The following USP13 variants were observed in gnomAD, a reference collection of about 807,000 sequenced individuals.
USP13 encodes the protein ubiquitin specific peptidase 13.
In USP13, 68 loss-of-function variants were observed where a neutral mutation model predicts 107.8. The observed-to-expected ratio is 0.63, with a 90% CI of 0.52 to 0.77. USP13 has a LOEUF of 0.77. USP13 is among the 30% of genes least tolerant of loss of function. The probability of loss-of-function intolerance (pLI) is 0.00; values close to 1 mark genes in which losing one functional copy is unlikely to be tolerated. For synonymous variants in USP13, 377 were observed against 389.5 expected (o/e 0.97, Z 0.38); for missense variants, 945 against 1,093.3 (o/e 0.86, Z 1.91).
At chr3:179,683,035 A>C (rs1246129850) in intron 2 of USP13, among the ~76,000 whole-genome samples, 1 of 148,396 alleles carries the variant, frequency 6.7e-6, no homozygotes, top group African/African-American at 2.5e-5. Context: ...TATTTGGCAC[A>C]TCTCTTTGTA....
Position 179,690,255 on chromosome 3 carries a change from G to A in USP13, c.309G>A (p.Ala103=), listed in dbSNP as rs372822087. 4.7e-5 allele frequency: 76 copies of A among 1,613,768 alleles called. No homozygotes were observed. The Middle Eastern group carries it at 5.0e-4, about 11-fold the overall frequency. The change falls in exon 3 of 21, where the codon GCG becomes GCA. Residue 103 remains alanine, a synonymous_variant. Transcript: ENST00000263966. Reference sequence around the variant, plus strand: ...TTTCTTTTCAGAAGGTAAGAGGGGCGTCTGGTGGAGCGTTACCAAAAAGGA... The same window carrying A: ...TTTCTTTTCAGAAGGTAAGAGGGGCATCTGGTGGAGCGTTACCAAAAAGGA... The part of the protein sequence containing the change: ...KRHVREKVRG[A]SGGALPKRRN...
chr3:179,765,536 CT>C (rs1162734845), intron 18 of USP13, among the ~76,000 whole-genome samples, 158 bp from the exon 19 acceptor site: 1 of 152,246 alleles, frequency 6.6e-6, no homozygotes, highest in Non-Finnish European at 1.5e-5. Flanking sequence ...CTGAACGTGC[CT>C]GTCATGCGGA....
At chr3:179,693,899 G>C (rs536962716) in intron 3 of USP13, among the ~76,000 whole-genome samples, 1 of 149,836 alleles carries the variant, frequency 6.7e-6, no homozygotes, top group South Asian at 2.1e-4. Context: ...GGCTGGTCTC[G>C]AACTCCTGAC....
At chr3:179,775,279 T>C (rs971598525) in intron 19 of USP13, among the ~76,000 whole-genome samples, 18 of 152,144 alleles carry the variant, frequency 1.2e-4, no homozygotes, top group African/African-American at 3.6e-4. Context: ...TACAATCCTT[T>C]AGCTAGATGT....
At chr3:179,762,261 T>A (rs144409779) in intron 17 of USP13, among the ~76,000 whole-genome samples, 1 of 152,250 alleles carries the variant, frequency 6.6e-6, no homozygotes, top group Non-Finnish European at 1.5e-5. Context: ...CATGTGTCAG[T>A]ACTTCATTCC....
chr3:179,745,248 G>A (rs1330771210), intron 13 of USP13, 31 bp downstream of exon 13: 22 of 1,601,730 alleles, frequency 1.4e-5, no homozygotes, highest in Non-Finnish European at 1.7e-5. Flanking sequence ...TGGCAGTGGG[G>A]TGAGGAGGGG....
At chr3:179,735,917 G>A (rs528977347) in intron 10 of USP13, among the ~76,000 whole-genome samples, 163 of 152,094 alleles carry the variant, frequency 1.1e-3, no homozygotes, top group Non-Finnish European at 2.2e-3. Context: ...GCGTGTGTCT[G>A]TAGTCCCAGA....
chr3:179,660,111 G>A (rs942677805), intron 1 of USP13, among the ~76,000 whole-genome samples: 4 of 152,084 alleles, frequency 2.6e-5, no homozygotes, highest in Admixed American at 1.3e-4. Context: ...AATTACATTC[G>A]CATGGAAACA....
At position 179,756,954 on chromosome 3, in the gene USP13, G is replaced by A. The variant is rs1576981287; in HGVS notation, c.1922-98G>A. 4.8e-6 allele frequency: 6 copies of A among 1,246,000 alleles called. No homozygotes were observed. In the East Asian group the frequency reaches 1.2e-4, roughly 24 times the overall value. 77.2% of individuals were successfully genotyped at this position (1,246,000 alleles called of 1,614,324 possible). On this transcript the variant is annotated intron_variant, in intron 15 of 20. Transcript: ENST00000263966. Reference sequence around the variant, plus strand: ...ACAGTGTGTGGTCCCCAGGAGTGGGGAGGGCATTGGAAATGCCCTGGATCA... The same window carrying A: ...ACAGTGTGTGGTCCCCAGGAGTGGGAAGGGCATTGGAAATGCCCTGGATCA...
At position 179,721,782 on chromosome 3, in the gene USP13, A is replaced by C. The variant is rs895393964; in HGVS notation, c.1088+193A>C. Among the ~76,000 whole-genome samples the C allele has an allele frequency of 1.9e-4, 29 of 151,870 alleles. No individual in the cohort carries two copies. The highest frequency in any genetic ancestry group is 6.3e-4 in the African/African-American group (26 of 41,348). On this transcript the variant is annotated intron_variant, in intron 8 of 20. Coordinates refer to ENST00000263966, the MANE Select transcript of USP13 (RefSeq NM_003940.3). The surrounding 1 kb of genome is among the most constrained non-coding windows in gnomAD (Gnocchi z 4.3). ...TATGGGGATCAGGTGAGATAAGAAG[A>C]GCTTTGTGGCCGGGCGCAGTGTCTA...
chr3:179,681,012 T>G (rs1425586284), intron 1 of USP13, among the ~76,000 whole-genome samples: 1 of 152,088 alleles, frequency 6.6e-6, no homozygotes, highest in African/African-American at 2.4e-5. Flanking sequence ...TTTTGCCAAC[T>G]TTCTTCTATC....
intron 19 of USP13, among the ~76,000 whole-genome samples, chr3:179,767,888 G>A (rs911933944): frequency 2.0e-5 from 3 of 152,072 alleles, no homozygotes; most frequent in Non-Finnish European, 2.9e-5. Flanking sequence ...AGAAAGAGAC[G>A]GTGGGAGGGA....
intron 1 of USP13, among the ~76,000 whole-genome samples, chr3:179,671,341 G>C (rs1002655455): frequency 6.6e-6 from 1 of 152,112 alleles, no homozygotes; most frequent in Non-Finnish European, 1.5e-5. Flanking sequence ...TTGAGAAAAG[G>C]GAGCATATCT....
At chr3:179,741,032 T>A (rs901662640) in intron 11 of USP13, among the ~76,000 whole-genome samples, 8 of 152,242 alleles carry the variant, frequency 5.3e-5, no homozygotes, top group African/African-American at 1.9e-4. Flanking sequence ...CCCAAAGTGC[T>A]GGGATTACAG....
chr3:179,774,683 AACAAACCTTCCACAGTTTGGAAGGGG>A (rs1464035613), intron 19 of USP13, among the ~76,000 whole-genome samples: 3 of 152,188 alleles, frequency 2.0e-5, no homozygotes, highest in Non-Finnish European at 2.9e-5. Context: ...AGAGCAAAAG[AACAAACCTTCCACAGTTTGGAAGGGG>A]ACCCAAGCAG....
rs1711544999 is a variant in USP13 at position 179,678,542 on chromosome 3, C to T, written c.169-3336C>T. Among the ~76,000 whole-genome samples, 2 of 151,796 alleles carry T rather than the reference C, an allele frequency of 1.3e-5. No individual in the cohort carries two copies. Among genetic ancestry groups the T allele is most frequent in the African/African-American group, 4.8e-5 (2 of 41,306 alleles). ...GGCTGGATGGCACAATCATGGCTCA[C>T]TGCAACCTTGACCTCCCTGGGCTAA... is the stretch of plus-strand genomic sequence containing the variant. On this transcript the variant is annotated intron_variant, in intron 1 of 20. Coordinates refer to ENST00000263966, the MANE Select transcript of USP13 (RefSeq NM_003940.3). The surrounding 1 kb of genome is among the most constrained non-coding windows in gnomAD (Gnocchi z 4.2).
At chr3:179,780,462 GA>G (rs1205557855) in intron 19 of USP13, among the ~76,000 whole-genome samples, 12 of 151,990 alleles carry the variant, frequency 7.9e-5, no homozygotes, top group Non-Finnish European at 1.8e-4. Context: ...ATGAAATTAA[GA>G]AAACAATATC....
Position 179,784,249 on chromosome 3 carries a change from G to A in USP13, c.*108G>A. 3.7e-6 allele frequency: 3 copies of A among 801,640 alleles called. No individual in the cohort carries two copies. The highest frequency in any genetic ancestry group is 1.8e-5 in the South Asian group (1 of 54,090). 49.7% of individuals were successfully genotyped at this position (801,640 alleles called of 1,614,324 possible). A position where few individuals can be genotyped will look rare whatever the true frequency, so the allele number is the denominator to read the frequency against. ...CAACTAGACATGAAGGAATATATGG[G>A]GTATTTATCGTTTATTTAAAGAGCA... On this transcript the variant is annotated 3_prime_UTR_variant, in exon 21 of 21. Coordinates refer to ENST00000263966, the MANE Select transcript of USP13 (RefSeq NM_003940.3).
intron 2 of USP13, 61 bp from the exon 3 acceptor site, chr3:179,690,180 T>C (rs1712063452): frequency 6.6e-7 from 1 of 1,511,316 alleles, no homozygotes; most frequent in African/African-American, 1.4e-5. Context: ...GATGTGCTTT[T>C]CCCTCACAAA....
Sources: allele counts gnomAD v4.1 joint callset (sites outside exome capture counted in the v4.1 genomes callset), GRCh38; gene constraint gnomAD v4.1.1; non-coding constraint Gnocchi (gnomAD v3.1); transcripts MANE v1.5; gene names NCBI Gene and HGNC (gene_info 2026-07-23, HGNC 2026-07-21).